AGBL4: variants seen among roughly 807,000 people sequenced by gnomAD.
AGBL4 encodes the protein cytosolic carboxypeptidase 6.
In AGBL4, 58 loss-of-function variants were observed where a neutral mutation model predicts 66.4. The observed-to-expected ratio is 0.87, with a 90% CI of 0.71 to 1.09. AGBL4 has a LOEUF of 1.09. Among genes scored for constraint, AGBL4 ranks in the 50% least tolerant of loss-of-function variants. The probability of loss-of-function intolerance (pLI) is 0.00; values close to 1 mark genes in which losing one functional copy is unlikely to be tolerated. For synonymous variants in AGBL4, 234 were observed against 222.9 expected, an observed-to-expected ratio of 1.05 and a Z score of -0.44; for missense variants, 579 against 631.0, an observed-to-expected ratio of 0.92 and a Z score of 0.88.
intron 3 of AGBL4, among the ~76,000 whole-genome samples, chr1:49,414,742 C>T (rs1228141344): frequency 6.6e-6 from 1 of 152,168 alleles, no homozygotes; most frequent in East Asian, 1.9e-4. Context: ...AGATCTATCA[C>T]TTACTTAACC....
At chr1:49,205,426 C>CT (rs1440384020) in intron 4 of AGBL4, among the ~76,000 whole-genome samples, 1 of 152,030 alleles carries the variant, frequency 6.6e-6, no homozygotes, top group African/African-American at 2.4e-5. Context: ...TCTGTAGAAA[C>CT]TAAGTGTATG....
At chr1:49,809,822 A>G (rs1645059309) in intron 2 of AGBL4, among the ~76,000 whole-genome samples, 1 of 152,144 alleles carries the variant, frequency 6.6e-6, no homozygotes, top group Non-Finnish European at 1.5e-5. Flanking sequence ...ATCTATCTCA[A>G]GTACTGCTGC....
intron 3 of AGBL4, among the ~76,000 whole-genome samples, chr1:49,248,878 C>T (rs1418143660): frequency 1.3e-5 from 2 of 151,940 alleles, no homozygotes; most frequent in African/African-American, 4.8e-5. Flanking sequence ...TTAACCTGAG[C>T]TTCTTGTTTC....
intron 5 of AGBL4, among the ~76,000 whole-genome samples, chr1:48,933,347 A>G (rs1655190106): frequency 6.6e-6 from 1 of 152,220 alleles, no homozygotes; most frequent in South Asian, 2.1e-4. Flanking sequence ...TACAATGGCC[A>G]TCCAACTTTG....
intron 3 of AGBL4, among the ~76,000 whole-genome samples, chr1:49,313,758 TAGATATTAGCCCTTTGTC>T (rs1417365486): frequency 2.6e-5 from 4 of 152,232 alleles, no homozygotes; most frequent in Non-Finnish European, 5.9e-5. Context: ...TTGTAGATTC[TAGATATTAGCCCTTTGTC>T]AGATGGATAG....
At chr1:49,845,444 A>G in intron 2 of AGBL4, 1 of 1,485,008 alleles carries the variant, frequency 6.7e-7, no homozygotes, top group Non-Finnish European at 9.4e-7. Context: ...GCCTTCCAGC[A>G]AAGCATCCAC....
intron 5 of AGBL4, among the ~76,000 whole-genome samples, chr1:49,005,696 T>A (rs571878606): frequency 6.6e-6 from 1 of 152,286 alleles, no homozygotes; most frequent in South Asian, 2.1e-4. Context: ...TAGGATTTTG[T>A]ACTATCTATG....
chr1:48,652,480 G>A (rs1460081671), intron 8 of AGBL4, among the ~76,000 whole-genome samples: 1 of 152,180 alleles, frequency 6.6e-6, no homozygotes, highest in Non-Finnish European at 1.5e-5. Context: ...TAGGAGGAGA[G>A]GAGGAGGTGA....
chr1:49,380,851 G>A (rs1570574253), intron 3 of AGBL4, among the ~76,000 whole-genome samples: 1 of 152,042 alleles, frequency 6.6e-6, no homozygotes, highest in Non-Finnish European at 1.5e-5. Context: ...AATTCAAGAT[G>A]GATTAAAGAC....
intron 6 of AGBL4, among the ~76,000 whole-genome samples, chr1:48,676,348 G>A (rs1388933370): frequency 1.3e-5 from 2 of 152,250 alleles, no homozygotes; most frequent in African/African-American, 2.4e-5. Flanking sequence ...AGGTGAATGA[G>A]CATAATGGTA....
At chr1:48,840,478 G>C (rs1346797132) in intron 6 of AGBL4, among the ~76,000 whole-genome samples, 1 of 152,144 alleles carries the variant, frequency 6.6e-6, no homozygotes. Flanking sequence ...TAACAGTGTA[G>C]GAGCTTAAAA....
chr1:49,919,574 C>T (rs1329968960), intron 1 of AGBL4, among the ~76,000 whole-genome samples: 1 of 151,936 alleles, frequency 6.6e-6, no homozygotes, highest in Admixed American at 6.6e-5. Flanking sequence ...AACCACTGGT[C>T]AAGGAAATAA....
At chr1:49,846,207 A>G (rs926031323) in intron 2 of AGBL4, 4 of 1,461,282 alleles carry the variant, frequency 2.7e-6, no homozygotes, top group Non-Finnish European at 3.8e-6. Flanking sequence ...TCACTCAGCC[A>G]GCACAAAAGG....
chr1:49,475,014 C>T (rs1164975918), intron 3 of AGBL4, among the ~76,000 whole-genome samples: 1 of 151,904 alleles, frequency 6.6e-6, no homozygotes, highest in African/African-American at 2.4e-5. Context: ...TGTCTTGTTC[C>T]AGTTCTTAGG....
intron 4 of AGBL4, among the ~76,000 whole-genome samples, chr1:49,076,678 C>T (rs183181666): frequency 4.6e-5 from 7 of 152,314 alleles, no homozygotes; most frequent in Admixed American, 4.6e-4. Context: ...TGTCAACACA[C>T]ATTGAGCAAA....
At chr1:48,731,915 G>A (rs1188046107) in intron 6 of AGBL4, among the ~76,000 whole-genome samples, 1 of 152,152 alleles carries the variant, frequency 6.6e-6, no homozygotes, top group Non-Finnish European at 1.5e-5. Context: ...GATTGCTCTG[G>A]TTACATAATG....
chr1:49,530,276 A>AAAAAAAAAAAAAAAAC (rs1651017368), intron 3 of AGBL4, among the ~76,000 whole-genome samples: 1 of 147,246 alleles, frequency 6.8e-6, no homozygotes, highest in African/African-American at 2.5e-5. Context: ...AAAAAAACAA[A>AAAAAAAAAAAAAAAAC]AAAAAACTCT....
At chr1:48,818,051 A>C (rs1646224878) in intron 6 of AGBL4, 1 of 709,816 alleles carries the variant, frequency 1.4e-6, no homozygotes, top group Non-Finnish European at 2.6e-6. Flanking sequence ...CATATCTGAT[A>C]GTCAAATTTG....
chr1:48,976,562 C>T (rs796942362), intron 5 of AGBL4, among the ~76,000 whole-genome samples: 12 of 152,246 alleles, frequency 7.9e-5, no homozygotes, highest in African/African-American at 2.9e-4. Context: ...AATAGAATGT[C>T]TTATTTACCT....
Sources: allele counts gnomAD v4.1 joint callset (sites outside exome capture counted in the v4.1 genomes callset), GRCh38; gene constraint gnomAD v4.1.1; transcripts MANE v1.5; gene names NCBI Gene and HGNC (gene_info 2026-07-23, HGNC 2026-07-21).